The following MDGA2 variants were observed in gnomAD, a reference collection of about 807,000 sequenced individuals.
MDGA2 encodes the protein MAM domain-containing glycosylphosphatidylinositol anchor protein 2.
In MDGA2, 40 loss-of-function variants were observed where a neutral mutation model predicts 117.8. The observed-to-expected ratio is 0.34, with a 90% CI of 0.26 to 0.44. The LOEUF (loss-of-function observed/expected upper bound fraction) is 0.44. MDGA2 is among the 20% of genes least tolerant of loss of function. MDGA2 has a pLI of 1.00. For missense variants in MDGA2, 1,123 were observed against 1,250.6 expected, an observed-to-expected ratio of 0.90 and a Z score of 1.54; for synonymous variants, 452 against 439.0, an observed-to-expected ratio of 1.03 and a Z score of -0.37.
intron 8 of MDGA2, among the ~76,000 whole-genome samples, chr14:47,003,663 A>G (rs2138501037): frequency 6.6e-6 from 1 of 152,078 alleles, no homozygotes; most frequent in Middle Eastern, 3.4e-3. Context: ...CTCATCACTG[A>G]GTTTTGAAAA....
At chr14:47,557,027 C>G (rs978488315) in intron 1 of MDGA2, among the ~76,000 whole-genome samples, 10 of 152,224 alleles carry the variant, frequency 6.6e-5, no homozygotes, top group African/African-American at 1.7e-4. Flanking sequence ...CTAGCCTCAG[C>G]AAGCTCCACA....
intron 1 of MDGA2, among the ~76,000 whole-genome samples, chr14:47,510,556 A>C (rs1947449793): frequency 6.6e-6 from 1 of 152,214 alleles, no homozygotes; most frequent in Non-Finnish European, 1.5e-5. Flanking sequence ...GTCTTAAAAA[A>C]AATCTGAGGT....
At chr14:46,933,170 T>C (rs901112485) in intron 9 of MDGA2, among the ~76,000 whole-genome samples, 2 of 152,178 alleles carry the variant, frequency 1.3e-5, no homozygotes, top group East Asian at 3.9e-4. Flanking sequence ...ATATTTCCCA[T>C]TGTAAAATTT....
intron 2 of MDGA2, among the ~76,000 whole-genome samples, chr14:47,253,558 C>T (rs1453303686): frequency 6.6e-6 from 1 of 152,246 alleles, no homozygotes; most frequent in Non-Finnish European, 1.5e-5. Flanking sequence ...AGGTGGGTTC[C>T]CACGGCCTTG....
At chr14:47,241,225 G>C (rs1164595924) in intron 2 of MDGA2, among the ~76,000 whole-genome samples, 2 of 151,800 alleles carry the variant, frequency 1.3e-5, no homozygotes, top group African/African-American at 2.4e-5. Flanking sequence ...TGGGGGAAGG[G>C]AAATACCTTA....
chr14:47,448,491 TC>T (rs926780504), intron 1 of MDGA2, among the ~76,000 whole-genome samples: 2 of 151,818 alleles, frequency 1.3e-5, no homozygotes, highest in African/African-American at 4.8e-5. Flanking sequence ...TTAATACCAC[TC>T]CCCACAACTT....
chr14:47,066,175 G>A (rs11623905), intron 6 of MDGA2, among the ~76,000 whole-genome samples: 20,842 of 151,992 alleles, frequency 0.14, 1,579 homozygotes, highest in East Asian at 0.31. Flanking sequence ...TCCTCAATAG[G>A]GCTGTGAACA....
chr14:47,636,869 G>A (rs1163202459), intron 1 of MDGA2, among the ~76,000 whole-genome samples: 1 of 148,504 alleles, frequency 6.7e-6, no homozygotes, highest in African/African-American at 2.5e-5. Context: ...CTACTCGGGA[G>A]GCTGAGGCAG....
Position 47,224,373 on chromosome 14 carries a change from T to A in MDGA2, c.421-6178A>T, listed in dbSNP as rs139782045. ...CTTTTACATAGCCTTAAATTAAATCTGTATTGACTGAGATAATCTTAGGAA... is the reference window on the plus strand; with the variant it reads ...CTTTTACATAGCCTTAAATTAAATCAGTATTGACTGAGATAATCTTAGGAA... On this transcript the variant is annotated intron_variant, in intron 2 of 16. Transcript: ENST00000399232. 3.3e-3 allele frequency among the ~76,000 whole-genome samples: 489 copies of A among 147,454 alleles called. 7 individuals are homozygous for A. The highest frequency in any genetic ancestry group is 0.011 in the African/African-American group (457 of 40,962).
intron 5 of MDGA2, among the ~76,000 whole-genome samples, chr14:47,102,244 C>T (rs1397833231): frequency 1.3e-5 from 2 of 151,780 alleles, no homozygotes; most frequent in African/African-American, 4.8e-5. Context: ...TTGTATAAAC[C>T]TGCCAATTGC....
chr14:46,878,605 A>G (rs1882323430), intron 11 of MDGA2, among the ~76,000 whole-genome samples: 1 of 152,060 alleles, frequency 6.6e-6, no homozygotes. Flanking sequence ...ACAGAAGACA[A>G]TTCCCATTAC....
chr14:47,406,183 G>A (rs1358154734), intron 1 of MDGA2, among the ~76,000 whole-genome samples: 2 of 151,756 alleles, frequency 1.3e-5, no homozygotes, highest in Non-Finnish European at 2.9e-5. Flanking sequence ...ATTTCATTTT[G>A]GAAAAAAATT....
At chr14:47,330,187 A>T (rs1293177633) in intron 1 of MDGA2, among the ~76,000 whole-genome samples, 1 of 151,950 alleles carries the variant, frequency 6.6e-6, no homozygotes, top group East Asian at 1.9e-4. Flanking sequence ...CAGGTCACTT[A>T]ATATAAATTT....
chr14:47,314,767 G>A (rs1889753594), intron 1 of MDGA2, among the ~76,000 whole-genome samples: 1 of 151,716 alleles, frequency 6.6e-6, no homozygotes, highest in Admixed American at 6.6e-5. Flanking sequence ...TTAAATGATT[G>A]GTAAAATTAT....
intron 2 of MDGA2, among the ~76,000 whole-genome samples, chr14:47,245,973 A>T (rs1007560869): frequency 6.6e-6 from 1 of 151,756 alleles, no homozygotes; most frequent in Non-Finnish European, 1.5e-5. Flanking sequence ...GAGGTAAGAA[A>T]AGCAACTTTC....
chr14:47,281,109 T>C (rs564523437), intron 2 of MDGA2, among the ~76,000 whole-genome samples: 28 of 149,644 alleles, frequency 1.9e-4, no homozygotes, highest in African/African-American at 6.8e-4. Flanking sequence ...TGCTATGAAA[T>C]AATAATTTAA....
intron 7 of MDGA2, among the ~76,000 whole-genome samples, chr14:47,047,607 G>A (rs1180998453): frequency 6.6e-6 from 1 of 151,914 alleles, no homozygotes; most frequent in Non-Finnish European, 1.5e-5. Context: ...AACCTCTTAA[G>A]CCAAGGTATG....
Position 47,342,738 on chromosome 14 carries a change from A to G in MDGA2, c.281-41188T>C, listed in dbSNP as rs558529454. On this transcript the variant is annotated intron_variant, in intron 1 of 16. Transcript: ENST00000399232. ...CTACAGTCTGGAGAATGGGTGCTCAATTGAGGATATTCTTAGAGGAGATAA... is the reference window on the plus strand; with the variant it reads ...CTACAGTCTGGAGAATGGGTGCTCAGTTGAGGATATTCTTAGAGGAGATAA... Among the ~76,000 whole-genome samples the G allele has an allele frequency of 6.6e-5, 10 of 152,280 alleles. No homozygotes were observed. In the South Asian group the frequency reaches 2.1e-3, roughly 32 times the overall value.
chr14:46,986,020 T>C (rs1052533659), intron 8 of MDGA2, among the ~76,000 whole-genome samples: 4 of 151,862 alleles, frequency 2.6e-5, no homozygotes, highest in African/African-American at 9.7e-5. Context: ...ACATAAGGAG[T>C]GTTATCTTTG....
Sources: gnomAD v4.1 joint callset for allele counts (sites outside exome capture counted in the v4.1 genomes callset) on GRCh38, gnomAD v4.1.1 for gene constraint, MANE v1.5 for transcripts, NCBI Gene and HGNC (gene_info 2026-07-23, HGNC 2026-07-21) for gene names.